Variants in TMTC1 observed in about 807,000 individuals in gnomAD.
TMTC1 encodes the protein transmembrane O-mannosyltransferase targeting cadherins 1, also known as protein O-mannosyl-transferase TMTC1.
In TMTC1, 73 loss-of-function variants were observed where a neutral mutation model predicts 104.8. The ratio of observed to expected loss-of-function variants is 0.70; its 90% confidence interval spans 0.58 to 0.85. The LOEUF (loss-of-function observed/expected upper bound fraction) is 0.85. Among genes scored for constraint, TMTC1 ranks in the 40% least tolerant of loss-of-function variants. The probability of loss-of-function intolerance (pLI) is 0.00; values close to 1 mark genes in which losing one functional copy is unlikely to be tolerated. For missense variants in TMTC1, 1,035 were observed against 1,096.1 expected, an observed-to-expected ratio of 0.94 and a Z score of 0.79; for synonymous variants, 434 against 428.7, an observed-to-expected ratio of 1.01 and a Z score of -0.15.
At chr12:29,610,432 A>C (rs1592319174) in intron 6 of TMTC1, among the ~76,000 whole-genome samples, 1 of 152,340 alleles carries the variant, frequency 6.6e-6, no homozygotes, top group East Asian at 1.9e-4. Flanking sequence ...CCAATTTCTC[A>C]ATAGCTGGAG....
chr12:29,608,028 T>A (rs925768187), intron 6 of TMTC1, among the ~76,000 whole-genome samples: 3 of 152,212 alleles, frequency 2.0e-5, no homozygotes, highest in Non-Finnish European at 2.9e-5. Context: ...TTAATACTCA[T>A]GAAAAAATTT....
intron 8 of TMTC1, among the ~76,000 whole-genome samples, chr12:29,574,602 G>A (rs1290838467): frequency 6.6e-6 from 1 of 152,194 alleles, no homozygotes; most frequent in Non-Finnish European, 1.5e-5. Context: ...TTTCTGATGA[G>A]GGTTCTCTTC....
At chr12:29,614,602 C>T (rs1946930347) in intron 6 of TMTC1, among the ~76,000 whole-genome samples, 1 of 152,108 alleles carries the variant, frequency 6.6e-6, no homozygotes. Flanking sequence ...CATGCACACA[C>T]CTATCTTCAT....
chr12:29,722,202 A>G (rs1942255062), intron 5 of TMTC1, among the ~76,000 whole-genome samples: 1 of 152,206 alleles, frequency 6.6e-6, no homozygotes, highest in Admixed American at 6.5e-5. Flanking sequence ...TATATTGACA[A>G]CTGCTAGTGT....
chr12:29,781,495 C>T (rs1943835485), intron 1 of TMTC1, among the ~76,000 whole-genome samples: 1 of 152,162 alleles, frequency 6.6e-6, no homozygotes, highest in Non-Finnish European at 1.5e-5. Context: ...CCCTCCACCC[C>T]TCCCTTATGT....
At chr12:29,517,980 G>C (rs1592156924) in intron 13 of TMTC1, among the ~76,000 whole-genome samples, 2 of 152,268 alleles carry the variant, frequency 1.3e-5, no homozygotes, top group East Asian at 3.9e-4. Flanking sequence ...CTCCCAAAGT[G>C]CTGGGATTAC....
rs563185906 is a variant in TMTC1, at chr12:29,652,601, C to T, written c.939-19265G>A. On this transcript the variant is annotated intron_variant, in intron 5 of 17. Transcript: ENST00000539277. ...CAGCAGAGTCAATCATGCATTCATC[C>T]ATCAAACAGTAAACAATTATCATGG... Among the ~76,000 whole-genome samples the T allele has an allele frequency of 6.6e-5, 10 of 152,322 alleles. No individual in the cohort carries two copies. The South Asian group carries it at 1.9e-3, about 28-fold the overall frequency.
intron 5 of TMTC1, among the ~76,000 whole-genome samples, chr12:29,670,850 G>C (rs1056054290): frequency 1.3e-5 from 2 of 150,066 alleles, no homozygotes; most frequent in Non-Finnish European, 3.0e-5. Flanking sequence ...AGGATTGCTT[G>C]AGCCCAGAAG....
At chr12:29,646,087 T>C (rs1215029582) in intron 5 of TMTC1, among the ~76,000 whole-genome samples, 1 of 152,134 alleles carries the variant, frequency 6.6e-6, no homozygotes, top group African/African-American at 2.4e-5. Flanking sequence ...CATTTCTTTA[T>C]CAATGTGGAG....
intron 2 of TMTC1, among the ~76,000 whole-genome samples, chr12:29,761,494 A>G (rs1429913987): frequency 6.6e-6 from 1 of 152,092 alleles, no homozygotes; most frequent in African/African-American, 2.4e-5. Flanking sequence ...GCATTACTTC[A>G]GAAGAAGATT....
intron 5 of TMTC1, among the ~76,000 whole-genome samples, chr12:29,720,358 C>A (rs1000186908): frequency 6.6e-6 from 1 of 152,166 alleles, no homozygotes; most frequent in Admixed American, 6.5e-5. Context: ...AAATATGGTG[C>A]CAGATGGCCC....
intron 5 of TMTC1, among the ~76,000 whole-genome samples, chr12:29,691,701 C>T (rs1436447613): frequency 1.6e-5 from 2 of 127,966 alleles, no homozygotes; most frequent in African/African-American, 6.1e-5. Context: ...ACGGTAACAA[C>T]TCATACACCC....
At chr12:29,510,063 C>A (rs1943791104) in intron 17 of TMTC1, among the ~76,000 whole-genome samples, 2 of 152,130 alleles carry the variant, frequency 1.3e-5, no homozygotes, top group African/African-American at 4.8e-5. Flanking sequence ...GACAAAGATA[C>A]CTTCTGAGAA....
At chr12:29,589,336 G>A (rs1294234432) in intron 7 of TMTC1, among the ~76,000 whole-genome samples, 4 of 152,092 alleles carry the variant, frequency 2.6e-5, no homozygotes, top group Non-Finnish European at 5.9e-5. Context: ...CCTTAATCTT[G>A]GCAAAATAAA....
chr12:29,782,737 TC>T (rs1269153830), intron 1 of TMTC1: 1 of 152,200 alleles, frequency 6.6e-6, no homozygotes, highest in African/African-American at 2.4e-5. Context: ...GAATCATGAC[TC>T]CGAGGTTGTA....
upstream of TMTC1, chr12:29,784,267 G>C (rs919591059): frequency 1.3e-5 from 2 of 152,384 alleles, no homozygotes; most frequent in African/African-American, 4.8e-5. Context: ...GGGGACCCAG[G>C]AGGGTTTAGC....
In TMTC1 at chr12:29,502,338, G is replaced by GCTT. The variant is rs35696672; in HGVS notation, c.*4507_*4508insAAG. The GCTT allele has an allele frequency of 6.9e-6, 1 of 145,834 alleles. No homozygotes were observed. 9.0% of individuals were successfully genotyped at this position (145,834 alleles called of 1,614,324 possible). ...GAATCCACCACAAATCAAAGCAAAA[G>GCTT]TTTTTTTTTTTTTCAAAAACAGATT... On this transcript the variant is annotated 3_prime_UTR_variant, in exon 18 of 18. Transcript: ENST00000539277.
At chr12:29,714,586 T>A (rs537612495) in intron 5 of TMTC1, among the ~76,000 whole-genome samples, 2 of 152,328 alleles carry the variant, frequency 1.3e-5, no homozygotes, top group African/African-American at 4.8e-5. Context: ...ACAGTAAAAA[T>A]CACAAACATC....
At chr12:29,614,957 C>T (rs190573882) in intron 6 of TMTC1, among the ~76,000 whole-genome samples, 25 of 152,272 alleles carry the variant, frequency 1.6e-4, no homozygotes, top group Non-Finnish European at 3.2e-4. Context: ...GTTCACTGGC[C>T]GAAGTCACCC....
Sources: allele counts gnomAD v4.1 joint callset (sites outside exome capture counted in the v4.1 genomes callset), GRCh38; gene constraint gnomAD v4.1.1; transcripts MANE v1.5; gene names NCBI Gene and HGNC (gene_info 2026-07-23, HGNC 2026-07-21).